The following MED12L variants were observed in gnomAD, a reference collection of about 807,000 sequenced individuals.
MED12L encodes the protein mediator of RNA polymerase II transcription subunit 12-like protein.
In MED12L, 60 loss-of-function variants were observed where a neutral mutation model predicts 281.3. The observed-to-expected ratio is 0.21, with a 90% CI of 0.17 to 0.26. The LOEUF is 0.26. Ranked by LOEUF, MED12L falls within the 10% of genes least tolerant of loss-of-function variation. MED12L has a pLI of 1.00. For missense variants in MED12L, 2,146 were observed against 2,680.9 expected, an observed-to-expected ratio of 0.80 and a Z score of 4.41; for synonymous variants, 974 against 987.2, an observed-to-expected ratio of 0.99 and a Z score of 0.25.
chr3:151,385,971 C>CAATTA (rs1358481011), intron 36 of MED12L, among the ~76,000 whole-genome samples: 8 of 151,964 alleles, frequency 5.3e-5, no homozygotes, highest in African/African-American at 1.9e-4. Context: ...AGTAGACAGA[C>CAATTA]AATTACAGTG....
chr3:151,384,435 T>C (rs534710599), intron 35 of MED12L, among the ~76,000 whole-genome samples: 1 of 152,350 alleles, frequency 6.6e-6, no homozygotes, highest in Non-Finnish European at 1.5e-5. Flanking sequence ...TTATAAAACA[T>C]GTTTAATTTT....
At chr3:151,305,569 G>A (rs1746528551) in intron 16 of MED12L, among the ~76,000 whole-genome samples, 1 of 152,110 alleles carries the variant, frequency 6.6e-6, no homozygotes, top group African/African-American at 2.4e-5. Context: ...CCGCCAGGTA[G>A]GAAGATACGA....
At chr3:151,412,233 TG>T (rs530599310) in intron 41 of MED12L, among the ~76,000 whole-genome samples, 147 of 152,342 alleles carry the variant, frequency 9.6e-4, no homozygotes, top group African/African-American at 3.3e-3. Context: ...TAGAAGGGCC[TG>T]TGTTTAAAAA....
chr3:151,139,276 C>G (rs976733711), intron 5 of MED12L, among the ~76,000 whole-genome samples: 1 of 152,010 alleles, frequency 6.6e-6, no homozygotes, highest in Non-Finnish European at 1.5e-5. Context: ...TGTTCCAATC[C>G]TATAATGAGC....
chr3:151,300,032 GTAAGATTTTC>G, intron 16 of MED12L: 1 of 1,461,252 alleles, frequency 6.8e-7, no homozygotes, highest in Non-Finnish European at 9.6e-7. Flanking sequence ...CATCAATAAA[GTAAGATTTTC>G]TTTGTATCTC....
chr3:151,376,731 C>A, intron 28 of MED12L, 69 bp from the exon 29 acceptor site: 1 of 1,255,012 alleles, frequency 8.0e-7, no homozygotes, highest in Non-Finnish European at 1.2e-6. Context: ...AGAAGGAGTA[C>A]TGTAAGAAAT....
intron 16 of MED12L, among the ~76,000 whole-genome samples, chr3:151,287,917 C>CTT (rs113636201): frequency 6.6e-5 from 10 of 152,180 alleles, no homozygotes; most frequent in Non-Finnish European, 1.5e-4. Flanking sequence ...TCATTGCTTT[C>CTT]TTTTTTTACC....
chr3:151,236,239 T>A (rs1298198272), intron 16 of MED12L, among the ~76,000 whole-genome samples: 1 of 152,220 alleles, frequency 6.6e-6, no homozygotes, highest in African/African-American at 2.4e-5. Context: ...AAGGATTTCC[T>A]TAACTGTCAA....
At chr3:151,359,981 A>G (rs1414553269) in intron 20 of MED12L, among the ~76,000 whole-genome samples, 1 of 152,184 alleles carries the variant, frequency 6.6e-6, no homozygotes, top group Non-Finnish European at 1.5e-5. Flanking sequence ...ACATAGGGGA[A>G]TGTATACATG....
At chr3:151,251,805 A>G (rs959624230) in intron 16 of MED12L, among the ~76,000 whole-genome samples, 22 of 152,166 alleles carry the variant, frequency 1.4e-4, no homozygotes, top group African/African-American at 4.6e-4. Flanking sequence ...ATTGCATTTT[A>G]AAAAATTTCA....
intron 16 of MED12L, chr3:151,328,791 C>T (rs747246139): frequency 2.4e-5 from 39 of 1,613,756 alleles, no homozygotes; most frequent in East Asian, 1.6e-4. Flanking sequence ...ATTATCAAGT[C>T]GGCCACCAAA....
At chr3:151,219,105 G>T (rs902962090) in intron 16 of MED12L, among the ~76,000 whole-genome samples, 6 of 152,184 alleles carry the variant, frequency 3.9e-5, no homozygotes, top group African/African-American at 1.4e-4. Flanking sequence ...TTAAAGTGTA[G>T]TGGGAGCATT....
intron 16 of MED12L, among the ~76,000 whole-genome samples, chr3:151,203,402 G>A (rs1181071134): frequency 1.4e-5 from 2 of 146,858 alleles, no homozygotes; most frequent in Non-Finnish European, 3.0e-5. Flanking sequence ...TCTTCATTTA[G>A]TACCTAGCCT....
At chr3:151,379,114 A>G (rs1711750039) in intron 31 of MED12L, among the ~76,000 whole-genome samples, 1 of 152,214 alleles carries the variant, frequency 6.6e-6, no homozygotes. Flanking sequence ...CCAGCATTGT[A>G]TGTACTGTAT....
At chr3:151,297,224 T>G (rs1350783379) in intron 16 of MED12L, among the ~76,000 whole-genome samples, 1 of 152,248 alleles carries the variant, frequency 6.6e-6, no homozygotes, top group Admixed American at 6.5e-5. Flanking sequence ...TTGTACAGTA[T>G]CATTCAAGCC....
intron 5 of MED12L, among the ~76,000 whole-genome samples, chr3:151,136,252 T>C (rs762459764): frequency 2.6e-5 from 4 of 152,260 alleles, no homozygotes; most frequent in Non-Finnish European, 5.9e-5. Context: ...AAACTCATAA[T>C]TGACAGTCTG....
chr3:151,306,350 G>A (rs1321816752), intron 16 of MED12L, among the ~76,000 whole-genome samples: 2 of 152,172 alleles, frequency 1.3e-5, no homozygotes, highest in African/African-American at 4.8e-5. Flanking sequence ...TAGTCACAGT[G>A]GAGCTTTTCT....
At chr3:151,240,285 G>A (rs1014070239) in intron 16 of MED12L, among the ~76,000 whole-genome samples, 3 of 152,158 alleles carry the variant, frequency 2.0e-5, no homozygotes, top group Admixed American at 1.3e-4. Context: ...ATTGGGAGAG[G>A]TACTCCTTAC....
At chr3:151,338,350 G>C (rs774480391) in intron 16 of MED12L, 1 of 1,614,104 alleles carries the variant, frequency 6.2e-7, no homozygotes, top group South Asian at 1.1e-5. Flanking sequence ...TCTCTCGGCT[G>C]CCTGTTGGTC....
Sources: gnomAD v4.1 joint callset for allele counts (sites outside exome capture counted in the v4.1 genomes callset) on GRCh38, gnomAD v4.1.1 for gene constraint, MANE v1.5 for transcripts, NCBI Gene and HGNC (gene_info 2026-07-23, HGNC 2026-07-21) for gene names.